Variants in RTN3 observed in about 807,000 individuals in gnomAD.
RTN3 encodes reticulon 3.
Under a neutral mutation model 77.8 loss-of-function variants are expected in RTN3, and 49 were observed. That is an observed-to-expected ratio of 0.63 (90% CI 0.50 to 0.80). The LOEUF (loss-of-function observed/expected upper bound fraction) is 0.80, where lower values mean the gene tolerates loss of function less well. Ranked by LOEUF, RTN3 falls within the 30% of genes least tolerant of loss-of-function variation. The pLI, the probability that RTN3 is intolerant of heterozygous loss-of-function variation, is 0.00. For synonymous variants in RTN3, 464 were observed against 446.9 expected, an observed-to-expected ratio of 1.04 and a Z score of -0.48; for missense variants, 1,236 against 1,211.9, an observed-to-expected ratio of 1.02 and a Z score of -0.29.
At chr11:63,739,679 C>T (rs564436535) in intron 3 of RTN3, among the ~76,000 whole-genome samples, 33 of 152,320 alleles carry the variant, frequency 2.2e-4, no homozygotes, top group African/African-American at 7.5e-4. Flanking sequence ...CCCCATCCCA[C>T]GTCCTTTATC....
chr11:63,681,940 G>GGAACGT (rs1447351686), intron 1 of RTN3, among the ~76,000 whole-genome samples, 162 bp downstream of exon 1: 2 of 152,402 alleles, frequency 1.3e-5, no homozygotes, highest in Non-Finnish European at 2.9e-5. Flanking sequence ...AAGGGGAAGG[G>GGAACGT]GAACGTAAGG....
chr11:63,758,183 C>A lies in RTN3; in HGVS notation c.3081C>A (p.Ala1027=), dbSNP rs779495876. 22 of 1,602,722 alleles carry A rather than the reference C, an allele frequency of 1.4e-5. No homozygotes were observed. Among genetic ancestry groups the A allele is most frequent in the Non-Finnish European group, 1.9e-5 (22 of 1,174,848 alleles). Residue 1027 remains alanine (A), a synonymous_variant, in exon 9 of 9, where the codon GCC becomes GCA. Coordinates refer to ENST00000377819, the MANE Select transcript of RTN3 (RefSeq NM_001265589.2). ...EKIQAKLPGI[A]KKKAE Reference sequence around the variant, plus strand: ...TCCAAGCAAAACTCCCTGGAATCGCCAAAAAAAAGGCAGAATAAGTACATG... The same window carrying A: ...TCCAAGCAAAACTCCCTGGAATCGCAAAAAAAAAGGCAGAATAAGTACATG...
chr11:63,690,959 A>G (rs1941624486), intron 1 of RTN3, among the ~76,000 whole-genome samples: 2 of 152,010 alleles, frequency 1.3e-5, no homozygotes, highest in African/African-American at 4.8e-5. Context: ...TATCTCCACT[A>G]TCTAATTCCA....
chr11:63,695,208 A>C (rs1157957682), intron 1 of RTN3, among the ~76,000 whole-genome samples: 1 of 152,252 alleles, frequency 6.6e-6, no homozygotes, highest in African/African-American at 2.4e-5. Flanking sequence ...AGGTGCTTCC[A>C]ATCAGTTTGT....
At chr11:63,704,120 A>G (rs1454300654) in intron 1 of RTN3, among the ~76,000 whole-genome samples, 1 of 151,880 alleles carries the variant, frequency 6.6e-6, no homozygotes, top group African/African-American at 2.4e-5. Context: ...CTCCTGCCTC[A>G]GCTTCTTGAG....
intron 2 of RTN3, among the ~76,000 whole-genome samples, chr11:63,716,514 A>G (rs1293008758): frequency 6.6e-6 from 1 of 152,240 alleles, no homozygotes; most frequent in East Asian, 1.9e-4. Flanking sequence ...TCCCAGCTCC[A>G]AAGATACAAC....
chr11:63,686,572 C>G (rs529300305), intron 1 of RTN3, among the ~76,000 whole-genome samples: 1 of 152,096 alleles, frequency 6.6e-6, no homozygotes, highest in African/African-American at 2.4e-5. Flanking sequence ...CACCTGTAAT[C>G]CCAGCACTTT....
chr11:63,730,455 A>G (rs1197469000), intron 3 of RTN3, among the ~76,000 whole-genome samples: 1 of 152,260 alleles, frequency 6.6e-6, no homozygotes, highest in African/African-American at 2.4e-5. Flanking sequence ...ATAAGTGTGT[A>G]TGTGCCTAAT....
rs516981 is a variant in RTN3, at chr11:63,752,896, C to T, written c.2878-173C>T. Reference sequence around the variant, plus strand: ...TTGGACCTCAGAAAACTACAGACTTCACTCACATACCTTCAAATGTATAAC... The same window carrying T: ...TTGGACCTCAGAAAACTACAGACTTTACTCACATACCTTCAAATGTATAAC... On this transcript the variant is annotated intron_variant, in intron 5 of 8. Coordinates refer to ENST00000377819, the MANE Select transcript of RTN3 (RefSeq NM_001265589.2). Among the ~76,000 whole-genome samples the T allele has an allele frequency of 4.1e-3, 628 of 152,260 alleles. 7 individuals are homozygous for T. The highest frequency in any genetic ancestry group is 0.014 in the African/African-American group (600 of 41,552).
In RTN3 at chr11:63,681,674, T is replaced by G. The variant is rs1451545168; in HGVS notation, c.38T>G (p.Ile13Ser). Reference sequence around the variant, plus strand: ...TCGGCGGCCACTCAGTCCCATTCCATCTCCTCGTCGTCCTTCGGAGCCGAG... The same window carrying G: ...TCGGCGGCCACTCAGTCCCATTCCAGCTCCTCGTCGTCCTTCGGAGCCGAG... ...EPSAATQSHSISSSSFGAEPS... is the reference protein window; with the variant it reads ...EPSAATQSHSSSSSSFGAEPS... The change falls in exon 1 of 9, where the codon ATC becomes AGC. Residue 13 changes from isoleucine to serine, a missense_variant. Coordinates refer to ENST00000377819, the MANE Select transcript of RTN3 (RefSeq NM_001265589.2). 1 of 1,611,540 alleles carries G rather than the reference T, an allele frequency of 6.2e-7. No homozygotes were observed. Among genetic ancestry groups the G allele is most frequent in the Non-Finnish European group, 8.5e-7 (1 of 1,178,818 alleles).
rs2011580052 is a variant in RTN3, at chr11:63,719,269, C to G, written c.767C>G (p.Ala256Gly). The change falls in exon 3 of 9, where the codon GCA becomes GGA. Residue 256 changes from alanine (A) to glycine (G), a missense_variant. By Grantham distance (60) the Ala-to-Gly change is moderately conservative. Transcript: ENST00000377819. Reference sequence around the variant, plus strand: ...TTTGAAGTAATTATTGACAAAGCAGCATTTGACAAAGAATTTAAAGACTCA... The same window carrying G: ...TTTGAAGTAATTATTGACAAAGCAGGATTTGACAAAGAATTTAAAGACTCA... The part of the protein sequence containing the change: ...SPFEVIIDKA[A>G]FDKEFKDSYK... The G allele has an allele frequency of 1.9e-6, 3 of 1,613,980 alleles. No homozygotes were observed. Among genetic ancestry groups the G allele is most frequent in the Non-Finnish European group, 2.5e-6 (3 of 1,179,902 alleles).
intron 2 of RTN3, 118 bp downstream of exon 2, chr11:63,705,025 A>G (rs1419511908): frequency 1.3e-6 from 1 of 793,454 alleles, no homozygotes. Context: ...ATAAAAACTA[A>G]TTACAAGCTG....
intron 3 of RTN3, among the ~76,000 whole-genome samples, chr11:63,731,084 T>A (rs186663258): frequency 2.0e-5 from 3 of 152,140 alleles, no homozygotes; most frequent in African/African-American, 2.4e-5. Context: ...GATTTTTTTT[T>A]TTATTTATTT....
At chr11:63,726,860 T>TAA (rs780771200) in intron 3 of RTN3, among the ~76,000 whole-genome samples, 1 of 89,452 alleles carries the variant, frequency 1.1e-5, no homozygotes, top group Non-Finnish European at 2.3e-5. Flanking sequence ...AGACTCCGTC[T>TAA]GAAAAAAAAA....
At chr11:63,697,442 C>T (rs931966079) in intron 1 of RTN3, among the ~76,000 whole-genome samples, 3 of 150,388 alleles carry the variant, frequency 2.0e-5, no homozygotes, top group Non-Finnish European at 4.4e-5. Context: ...AGTCAAGTAG[C>T]TGGGATATGT....
intron 1 of RTN3, among the ~76,000 whole-genome samples, chr11:63,682,322 G>GT (rs201365679): frequency 0.019 from 2,904 of 151,994 alleles, 39 homozygotes; most frequent in Non-Finnish European, 0.024. Flanking sequence ...ATTGTAGCCT[G>GT]TTTTTTTTGT....
intron 1 of RTN3, among the ~76,000 whole-genome samples, chr11:63,690,437 T>C (rs1053282377): frequency 1.3e-5 from 2 of 152,172 alleles, no homozygotes; most frequent in African/African-American, 2.4e-5. Flanking sequence ...GTAAATAAAA[T>C]ATAGATCATT....
intron 3 of RTN3, among the ~76,000 whole-genome samples, chr11:63,724,173 CTTTTTTTTT>C (rs958114305): frequency 4.2e-4 from 36 of 85,454 alleles, no homozygotes; most frequent in African/African-American, 1.6e-3. Flanking sequence ...TTTAGGAATT[CTTTTTTTTT>C]TTTTTTTTTT....
intron 1 of RTN3, among the ~76,000 whole-genome samples, chr11:63,704,187 G>A (rs1942383536): frequency 6.6e-6 from 1 of 151,832 alleles, no homozygotes; most frequent in South Asian, 2.1e-4. Flanking sequence ...ATTTTTAGTA[G>A]AGACGGGGTT....
Sources: allele counts gnomAD v4.1 joint callset (sites outside exome capture counted in the v4.1 genomes callset), GRCh38; gene constraint gnomAD v4.1.1; transcripts MANE v1.5; gene names NCBI Gene and HGNC (gene_info 2026-07-23, HGNC 2026-07-21).